MAP3K6: variants seen among roughly 807,000 people sequenced by gnomAD.
The protein encoded by MAP3K6 is mitogen-activated protein kinase kinase kinase 6.
In MAP3K6, 105 loss-of-function variants were observed where a neutral mutation model predicts 147.1. The ratio of observed to expected loss-of-function variants is 0.71; its 90% CI spans 0.61 to 0.84. The LOEUF (loss-of-function observed/expected upper bound fraction) is 0.84, where lower values mean the gene tolerates loss of function less well. Ranked by LOEUF, MAP3K6 falls within the 40% of genes least tolerant of loss-of-function variation. MAP3K6 has a pLI of 0.00. For missense variants in MAP3K6, 1,569 were observed against 1,715.0 expected (o/e 0.91, Z 1.50); for synonymous variants, 695 against 732.4 (o/e 0.95, Z 0.82).
chr1:27,356,674 T>C lies in MAP3K6; in HGVS notation c.3440A>G (p.Gln1147Arg), dbSNP rs772560998. ...NEGDSQQSPGQQSPLPVEPEQ... is the reference protein window; with the variant it reads ...NEGDSQQSPGRQSPLPVEPEQ... The stretch of plus-strand genomic sequence containing the variant: ...GGGCTCCACCGGAAGCGGGCTCTGC[T>C]GGCCTGGGCTCTGCTGGGAGTCCCC... The change falls in exon 25 of 29, where the codon CAG (glutamine) becomes CGG (arginine). Residue 1147 changes from glutamine (Q) to arginine (R), a missense_variant. Coordinates refer to ENST00000357582, the MANE Select transcript of MAP3K6 (RefSeq NM_004672.5). The C allele has an allele frequency of 4.3e-6, 7 of 1,610,794 alleles. No homozygotes were observed. In the South Asian group the frequency reaches 7.7e-5, roughly 18 times the overall value.
In MAP3K6 at chr1:27,357,040, A is replaced by G; in HGVS notation, c.3333T>C (p.Ala1111=). 6.2e-7 allele frequency: 1 copy of G among 1,614,004 alleles called. No homozygotes were observed. Among genetic ancestry groups the G allele is most frequent in the Non-Finnish European group, 8.5e-7 (1 of 1,180,010 alleles). Residue 1111 remains alanine, a synonymous_variant, in exon 24 of 29, where the codon GCT becomes GCC. Transcript: ENST00000357582. ...MFVLDSLLSR[A]VRAALGVLGP... ...CTAGCACACCCAGGGCTGCCCGCACAGCACGGCTGAGCAGTGAGTCCAGAA... is the reference window on the plus strand; with the variant it reads ...CTAGCACACCCAGGGCTGCCCGCACGGCACGGCTGAGCAGTGAGTCCAGAA...
In MAP3K6 at chr1:27,360,685, C is replaced by A; in HGVS notation, c.2054+20G>T. ...GCCCTCGCGAGCCCTCAGCCCCACC[C>A]GCGCTGCCACGCACCGCACCTGCTG... On this transcript the variant is annotated intron_variant, in intron 15 of 28. Transcript: ENST00000357582. The surrounding 1 kb of genome is among the most constrained non-coding windows in gnomAD (Gnocchi z 4.5). 1 of 1,604,072 alleles carries A rather than the reference C, an allele frequency of 6.2e-7. No homozygotes were observed. Among genetic ancestry groups the A allele is most frequent in the Non-Finnish European group, 8.5e-7 (1 of 1,175,492 alleles).
In MAP3K6 at chr1:27,364,545, T is replaced by G; in HGVS notation, c.504+116A>C. 6.4e-7 allele frequency: 1 copy of G among 1,555,284 alleles called. No individual in the cohort carries two copies. ...GAGGAGGCAACAGGAAACAGAGGAA[T>G]ACTTGGGATGTCAGTGGGGGGTTAG... is the stretch of plus-strand genomic sequence containing the variant. On this transcript the variant is annotated intron_variant, in intron 3 of 28. Coordinates refer to ENST00000357582, the MANE Select transcript of MAP3K6 (RefSeq NM_004672.5). This position sits in a 1 kb window ranked among gnomAD's most constrained non-coding sequence, Gnocchi z 4.4.
In MAP3K6 at chr1:27,362,294, G is replaced by T. The variant is rs768398434; in HGVS notation, c.1256-44C>A. 3.2e-6 allele frequency: 5 copies of T among 1,564,494 alleles called. No homozygotes were observed. The Admixed American group carries it at 9.1e-5, about 29-fold the overall frequency. ...GGCTCCAGTGAGTGTGGGTGCAGGG[G>T]TGAGTGAGGCCCACCATTTCTGTGG... On this transcript the variant is annotated intron_variant, in intron 8 of 28. Coordinates refer to ENST00000357582, the MANE Select transcript of MAP3K6 (RefSeq NM_004672.5).
chr1:27,365,596 T>A (rs1285096362), intron 1 of MAP3K6, among the ~76,000 whole-genome samples: 2 of 151,964 alleles, frequency 1.3e-5, no homozygotes, highest in Non-Finnish European at 2.9e-5. Context: ...CGCGGGGGAA[T>A]AGCCTCCTTC....
rs2015709421 is a variant in MAP3K6, at chr1:27,360,530, A to G, written c.2055-162T>C. 2.0e-5 allele frequency among the ~76,000 whole-genome samples: 3 copies of G among 148,238 alleles called. No homozygotes were observed. The South Asian group carries it at 6.4e-4, about 32-fold the overall frequency. ...TGCCCACAGGACCCTCCAGACCTCA[A>G]TCCCGCCCGCACGGTCCTGGCTGTT... On this transcript the variant is annotated intron_variant, in intron 15 of 28. Transcript: ENST00000357582. The surrounding 1 kb of genome is among the most constrained non-coding windows in gnomAD (Gnocchi z 4.5).
Position 27,362,767 on chromosome 1 carries a change from AG to A in MAP3K6, c.1143-15del, listed in dbSNP as rs752668228. The A allele has an allele frequency of 3.7e-6, 6 of 1,611,984 alleles. No homozygotes were observed. The highest frequency in any genetic ancestry group is 5.1e-6 in the Non-Finnish European group (6 of 1,178,556). On this transcript the variant is annotated splice_polypyrimidine_tract_variant and intron_variant, in intron 7 of 28. Coordinates refer to ENST00000357582, the MANE Select transcript of MAP3K6 (RefSeq NM_004672.5). ...GCCTTGCGATACCTGGGGTGGGGGT[AG>A]GGGGCACAGGGCTGGACTGATGCCC...
chr1:27,356,636 C>G lies in MAP3K6; in HGVS notation c.3478G>C (p.Ala1160Pro). ...AGGCTCAGCTGCACCATCAGAGGAG[C>G]GGGGCCCTGCTCGGGCTCCACCGGA... ...PLPVEPEQGP[A>P]PLMVQLSLLR... The change falls in exon 25 of 29, where the codon GCT (alanine) becomes CCT (proline). Residue 1160 changes from alanine (A) to proline (P), a missense_variant. Ala to Pro is a conservative substitution (Grantham distance 27). Coordinates refer to ENST00000357582, the MANE Select transcript of MAP3K6 (RefSeq NM_004672.5). The G allele has an allele frequency of 6.2e-7, 1 of 1,612,322 alleles. No individual in the cohort carries two copies. Among genetic ancestry groups the G allele is most frequent in the Non-Finnish European group, 8.5e-7 (1 of 1,179,068 alleles).
Position 27,364,124 on chromosome 1 carries a change from T to G in MAP3K6, c.696-39A>C, listed in dbSNP as rs1352564184. 5.0e-6 allele frequency: 8 copies of G among 1,603,812 alleles called. No individual in the cohort carries two copies. Among genetic ancestry groups the G allele is most frequent in the Non-Finnish European group, 6.8e-6 (8 of 1,175,272 alleles). ...TAGGGGAGGCAGGGAGAGAGAATGG[T>G]GGGGCCTGTACCTCAGCCCCAGCCC... On this transcript the variant is annotated intron_variant, in intron 4 of 28. Coordinates refer to ENST00000357582, the MANE Select transcript of MAP3K6 (RefSeq NM_004672.5). This position sits in a 1 kb window ranked among gnomAD's most constrained non-coding sequence, Gnocchi z 4.4.
chr1:27,357,642 G>T, intron 22 of MAP3K6, 66 bp from the exon 23 acceptor site: 1 of 1,588,506 alleles, frequency 6.3e-7, no homozygotes, highest in Admixed American at 1.7e-5. Context: ...GCGGAGGTAG[G>T]GGGCGGGGAC....
chr1:27,357,489 G>A lies in MAP3K6; in HGVS notation c.3169C>T (p.Gln1057Ter). 2 of 1,613,626 alleles carry A rather than the reference G, an allele frequency of 1.2e-6. No individual in the cohort carries two copies. Among genetic ancestry groups the A allele is most frequent in the Non-Finnish European group, 1.7e-6 (2 of 1,179,892 alleles). The change falls in exon 23 of 29, where the codon CAG (glutamine) becomes TAG (stop). Residue 1057 changes from glutamine to a stop codon, truncating the protein, a stop_gained. Coordinates refer to ENST00000357582, the MANE Select transcript of MAP3K6 (RefSeq NM_004672.5). LOFTEE classifies it high-confidence loss of function. ...IHTPNRRQLA[Q>*]ELRALQGRLR... ...CGTCCTTGCAGCGCCCGCAGCTCCT[G>A]GGCGAGCTGCCGGCGGTTGGGAGTG... is the stretch of plus-strand genomic sequence containing the variant.
rs1381653476 is a variant in MAP3K6 at position 27,357,095 on chromosome 1, T to C, written c.3278A>G (p.Lys1093Arg). Residue 1093 changes from lysine (K) to arginine (R), a missense_variant, in exon 24 of 29, where the codon AAG becomes AGG. Transcript: ENST00000357582. The part of the protein sequence containing the change: ...FPDAVKQILR[K>R]RQIRPHWMFV... ...CATCCAGTGTGGACGGATCTGGCGCTTGCGGAGGATCTGCTTCACCTGCAG... is the reference window on the plus strand; with the variant it reads ...CATCCAGTGTGGACGGATCTGGCGCCTGCGGAGGATCTGCTTCACCTGCAG... 1 of 1,613,924 alleles carries C rather than the reference T, an allele frequency of 6.2e-7. No homozygotes were observed. Among genetic ancestry groups the C allele is most frequent in the East Asian group, 2.2e-5 (1 of 44,876 alleles).
Position 27,361,802 on chromosome 1 carries a change from G to T in MAP3K6, c.1481C>A (p.Pro494His). ...GTGGGCACGGCGTGGTGGCCCTCCAGGGGGCTCTGGCGTGGGCCTGAAGTG... is the reference window on the plus strand; with the variant it reads ...GTGGGCACGGCGTGGTGGCCCTCCATGGGGCTCTGGCGTGGGCCTGAAGTG... ...YQHFRPTPEP[P>H]GGPPRRAHFW... Residue 494 changes from proline (P) to histidine (H), a missense_variant, in exon 10 of 29, where the codon CCT becomes CAT. Coordinates refer to ENST00000357582, the MANE Select transcript of MAP3K6 (RefSeq NM_004672.5). 6.2e-7 allele frequency: 1 copy of T among 1,608,878 alleles called. No individual in the cohort carries two copies. Among genetic ancestry groups the T allele is most frequent in the Non-Finnish European group, 8.5e-7 (1 of 1,177,346 alleles).
At position 27,358,143 on chromosome 1, in the gene MAP3K6, C is replaced by G. The variant is rs1317834022; in HGVS notation, c.2915+38G>C. 6.5e-7 allele frequency: 1 copy of G among 1,543,964 alleles called. No individual in the cohort carries two copies. On this transcript the variant is annotated intron_variant, in intron 21 of 28. Coordinates refer to ENST00000357582, the MANE Select transcript of MAP3K6 (RefSeq NM_004672.5). The surrounding 1 kb of genome is among the most constrained non-coding windows in gnomAD (Gnocchi z 6.2). Reference sequence around the variant, plus strand: ...GTAGGAGAGGAGAAAAAGGCAAAACCAGGCAAAAGGAACCCATCCCAGGAG... The same window carrying G: ...GTAGGAGAGGAGAAAAAGGCAAAACGAGGCAAAAGGAACCCATCCCAGGAG...
chr1:27,356,910 C>A, intron 24 of MAP3K6, 99 bp downstream of exon 24: 1 of 1,429,266 alleles, frequency 7.0e-7, no homozygotes, highest in East Asian at 2.4e-5. Flanking sequence ...CCTGCCTGCC[C>A]CTGTCCCGCC....
In MAP3K6 at chr1:27,357,573, C is replaced by A. The variant is rs770636624; in HGVS notation, c.3085G>T (p.Ala1029Ser). Residue 1029 changes from alanine (A) to serine (S), a missense_variant, in exon 23 of 29, where the codon GCC (alanine) becomes TCC (serine). Coordinates refer to ENST00000357582, the MANE Select transcript of MAP3K6 (RefSeq NM_004672.5). ...TCCACATGGTTTCTGCCCAGACGGG[C>A]CCCCTGAGAAGGAAGAGAGGGGTTG... ...LHQEQKQEQG[A>S]RLGRNHVEEL... is the part of the protein sequence containing the mutation. 3 of 1,606,508 alleles carry A rather than the reference C, an allele frequency of 1.9e-6. No homozygotes were observed. The highest frequency in any genetic ancestry group is 2.2e-5 in the South Asian group (2 of 90,916).
chr1:27,364,943 C>A lies in MAP3K6; in HGVS notation c.341-31G>T. 6.5e-7 allele frequency: 1 copy of A among 1,546,824 alleles called. No homozygotes were observed. Among genetic ancestry groups the A allele is most frequent in the East Asian group, 2.3e-5 (1 of 44,150 alleles). Reference sequence around the variant, plus strand: ...GGCACAGAGGGGGTGGCGCTGATCCCTGAAGCCCAGCTTGATGGGGAAGGA... The same window carrying A: ...GGCACAGAGGGGGTGGCGCTGATCCATGAAGCCCAGCTTGATGGGGAAGGA... On this transcript the variant is annotated intron_variant, in intron 1 of 28. Coordinates refer to ENST00000357582, the MANE Select transcript of MAP3K6 (RefSeq NM_004672.5). The surrounding 1 kb of genome is among the most constrained non-coding windows in gnomAD (Gnocchi z 4.4).
In MAP3K6 at chr1:27,362,854, T is replaced by C; in HGVS notation, c.1139A>G (p.His380Arg). ...GGCCACTCACTGTGCTCTTTACCAG[T>C]GATAGGCCTGCTCCCGGTGCCCAGC... The part of the protein sequence containing the change: ...QDAGHREQAY[H>R]WYRKAFDVEP... The change falls in exon 7 of 29, where the codon CAC (histidine) becomes CGC (arginine). Residue 380 changes from histidine (H) to arginine (R), a missense_variant. By Grantham distance (29) the His-to-Arg change is conservative. Coordinates refer to ENST00000357582, the MANE Select transcript of MAP3K6 (RefSeq NM_004672.5). 6.2e-7 allele frequency: 1 copy of C among 1,613,838 alleles called. No homozygotes were observed. Among genetic ancestry groups the C allele is most frequent in the Non-Finnish European group, 8.5e-7 (1 of 1,179,908 alleles).
At chr1:27,356,295 A>G (rs2015518803) in intron 26 of MAP3K6, 93 bp downstream of exon 26, 1 of 1,271,276 alleles carries the variant, frequency 7.9e-7, no homozygotes, top group East Asian at 2.5e-5. Flanking sequence ...CGCTCAGGTG[A>G]TGAGCCCAAG....
Sources: gnomAD v4.1 joint callset for allele counts (sites outside exome capture counted in the v4.1 genomes callset) on GRCh38, gnomAD v4.1.1 for gene constraint, Gnocchi (gnomAD v3.1) non-coding constraint, MANE v1.5 for transcripts, NCBI Gene and HGNC (gene_info 2026-07-23, HGNC 2026-07-21) for gene names.